Variants in GZMA observed in about 807,000 individuals in gnomAD.
GZMA encodes CTL tryptase.
In GZMA, 17 loss-of-function variants were observed where a neutral mutation model predicts 21.1. That is an observed-to-expected ratio of 0.81 (90% CI 0.55 to 1.21). The LOEUF (loss-of-function observed/expected upper bound fraction) is 1.21, where lower values mean the gene tolerates loss of function less well. GZMA is among the 50% of genes most tolerant of loss of function. GZMA has a pLI of 0.00. For synonymous variants in GZMA, 90 were observed against 107.8 expected, an observed-to-expected ratio of 0.83 and a Z score of 1.03; for missense variants, 306 against 315.9, an observed-to-expected ratio of 0.97 and a Z score of 0.24.
chr5:55,102,737 C>A lies in GZMA; in HGVS notation c.55C>A (p.Leu19Met). 1 of 1,599,990 alleles carries A rather than the reference C, an allele frequency of 6.3e-7. No homozygotes were observed. Among genetic ancestry groups the A allele is most frequent in the Non-Finnish European group, 8.6e-7 (1 of 1,167,194 alleles). The change falls in exon 1 of 5, where the codon CTG becomes ATG. Residue 19 changes from leucine to methionine, a missense_variant. Coordinates refer to ENST00000274306, the MANE Select transcript of GZMA (RefSeq NM_006144.4). ...CTCTCTCTCAGTTGTCGTTTCTCTC[C>A]TGCTAATTCCTGAAGGTAAGACTGA... is the stretch of plus-strand genomic sequence containing the variant. ...ASSLSVVVSLLLIPEDVCEKI... is the reference protein window; with the variant it reads ...ASSLSVVVSLMLIPEDVCEKI...
In GZMA at chr5:55,108,161, A is replaced by G; in HGVS notation, c.394A>G (p.Ile132Val). ...AGCAAAAATTAACAAATATGTGACT[A>G]TCCTTCATCTACCTAAAAAGGGGGA... ...EKAKINKYVT[I>V]LHLPKKGDDV... The change falls in exon 4 of 5, where the codon ATC (isoleucine) becomes GTC (valine). Residue 132 changes from isoleucine (I) to valine (V), a missense_variant. Coordinates refer to ENST00000274306, the MANE Select transcript of GZMA (RefSeq NM_006144.4). 1 of 1,608,788 alleles carries G rather than the reference A, an allele frequency of 6.2e-7. No homozygotes were observed. The highest frequency in any genetic ancestry group is 8.5e-7 in the Non-Finnish European group (1 of 1,175,278).
Position 55,108,384 on chromosome 5 carries a change from A to C in GZMA, c.617A>C (p.Asp206Ala). 1 of 1,610,940 alleles carries C rather than the reference A, an allele frequency of 6.2e-7. No homozygotes were observed. The highest frequency in any genetic ancestry group is 8.5e-7 in the Non-Finnish European group (1 of 1,177,586). Reference sequence around the variant, plus strand: ...GCTGGAAGCCTCCGAGGTGGAAGAGACTCGTGCAATGTAAGTAAAATAAGA... The same window carrying C: ...GCTGGAAGCCTCCGAGGTGGAAGAGCCTCGTGCAATGTAAGTAAAATAAGA... ...VCAGSLRGGRDSCNGDSGSPL... is the reference protein window; with the variant it reads ...VCAGSLRGGRASCNGDSGSPL... Residue 206 changes from aspartate (D) to alanine (A), a missense_variant, in exon 4 of 5, where the codon GAC (aspartate) becomes GCC (alanine). Physicochemically the swap from Asp to Ala is moderately radical, Grantham distance 126. Transcript: ENST00000274306.
Position 55,107,788 on chromosome 5 carries a change from T to C in GZMA, c.216-6T>C. 1 of 1,611,122 alleles carries C rather than the reference T, an allele frequency of 6.2e-7. No homozygotes were observed. Among genetic ancestry groups the C allele is most frequent in the South Asian group, 1.1e-5 (1 of 90,950 alleles). On this transcript the variant is annotated splice_region_variant and splice_polypyrimidine_tract_variant and intron_variant, in intron 2 of 4. Transcript: ENST00000274306. ...ATCCAGTAAATAATGTTGTGTCTGT[T>C]CTCAGGAACAAAAGGTCCCAGGTCA...
At chr5:55,106,948 C>T (rs1742427581) in intron 2 of GZMA, among the ~76,000 whole-genome samples, 1 of 152,170 alleles carries the variant, frequency 6.6e-6, no homozygotes, top group South Asian at 2.1e-4. Context: ...AACATTTCAT[C>T]ATAAAAATAT....
intron 1 of GZMA, 77 bp downstream of exon 1, chr5:55,102,829 T>C (rs1295199306): frequency 3.4e-6 from 3 of 883,596 alleles, no homozygotes; most frequent in Non-Finnish European, 5.8e-6. Context: ...TTTGGCAATA[T>C]TACCTTCCTA....
chr5:55,104,091 AT>A (rs1742346821), intron 1 of GZMA, among the ~76,000 whole-genome samples: 1 of 152,222 alleles, frequency 6.6e-6, no homozygotes, highest in Non-Finnish European at 1.5e-5. Flanking sequence ...TGGCTATGTT[AT>A]AAGCAGGGCA....
intron 2 of GZMA, 129 bp downstream of exon 2, chr5:55,105,747 T>A: frequency 1.4e-6 from 1 of 735,990 alleles, no homozygotes; most frequent in Non-Finnish European, 2.3e-6. Context: ...CCAAGGCAGG[T>A]GGATCACATG....
In GZMA at chr5:55,107,890, A is replaced by T. The variant is rs941959139; in HGVS notation, c.312A>T (p.Pro104=). ...IMLVKKEFPY[P]CYDPATREGD... ...TTGTTAAGAAAGAGTTTCCCTATCC[A>T]TGCTATGACCCAGCCACACGCGAAG... Residue 104 remains proline (P), a synonymous_variant, in exon 3 of 5, where the codon CCA becomes CCT. Coordinates refer to ENST00000274306, the MANE Select transcript of GZMA (RefSeq NM_006144.4). 1.1e-5 allele frequency: 17 copies of T among 1,613,128 alleles called. No individual in the cohort carries two copies. The highest frequency in any genetic ancestry group is 1.3e-5 in the African/African-American group (1 of 74,914).
chr5:55,108,138 C>T lies in GZMA; in HGVS notation c.371C>T (p.Ala124Val). The T allele has an allele frequency of 1.2e-6, 2 of 1,602,250 alleles. No individual in the cohort carries two copies. The highest frequency in any genetic ancestry group is 1.7e-6 in the Non-Finnish European group (2 of 1,169,664). The change falls in exon 4 of 5, where the codon GCA becomes GTA. Residue 124 changes from alanine (A) to valine (V), a missense_variant. By Grantham distance (64) the Ala-to-Val change is moderately conservative (BLOSUM62 0). Coordinates refer to ENST00000274306, the MANE Select transcript of GZMA (RefSeq NM_006144.4). ...TTCTTCCAACAGCTGATGGAAAAAG[C>T]AAAAATTAACAAATATGTGACTATC... ...DLKLLQLMEKAKINKYVTILH... is the reference protein window; with the variant it reads ...DLKLLQLMEKVKINKYVTILH...
rs746696550 is a variant in GZMA, at chr5:55,102,725, G to A, written c.43G>A (p.Val15Ile). Reference sequence around the variant, plus strand: ...ATTTCTGGCATCCTCTCTCTCAGTTGTCGTTTCTCTCCTGCTAATTCCTGA... The same window carrying A: ...ATTTCTGGCATCCTCTCTCTCAGTTATCGTTTCTCTCCTGCTAATTCCTGA... ...YRFLASSLSV[V>I]VSLLLIPEDV... Residue 15 changes from valine to isoleucine, a missense_variant, in exon 1 of 5, where the codon GTC (valine) becomes ATC (isoleucine). By Grantham distance (29) the Val-to-Ile change is conservative. Transcript: ENST00000274306. The A allele has an allele frequency of 3.1e-6, 5 of 1,609,390 alleles. No individual in the cohort carries two copies. Among genetic ancestry groups the A allele is most frequent in the Non-Finnish European group, 3.4e-6 (4 of 1,175,738 alleles).
At chr5:55,103,231 G>C (rs1321222017) in intron 1 of GZMA, among the ~76,000 whole-genome samples, 2 of 152,044 alleles carry the variant, frequency 1.3e-5, no homozygotes, top group Non-Finnish European at 2.9e-5. Context: ...TGGCAACTTA[G>C]TCAGCTCAGC....
At chr5:55,103,595 T>C (rs1257010917) in intron 1 of GZMA, among the ~76,000 whole-genome samples, 1 of 152,206 alleles carries the variant, frequency 6.6e-6, no homozygotes, top group African/African-American at 2.4e-5. Context: ...AAGTGAGGAC[T>C]ACTCTCAAGC....
Position 55,105,581 on chromosome 5 carries a change from G to T in GZMA, c.178G>T (p.Ala60Ser). 2.5e-6 allele frequency: 4 copies of T among 1,613,818 alleles called. No individual in the cohort carries two copies. The highest frequency in any genetic ancestry group is 1.7e-6 in the Non-Finnish European group (2 of 1,179,778). ...RKTICAGALI[A>S]KDWVLTAAHC... Reference sequence around the variant, plus strand: ...AACCATCTGTGCTGGGGCTTTGATTGCAAAAGACTGGGTGTTGACTGCAGC... The same window carrying T: ...AACCATCTGTGCTGGGGCTTTGATTTCAAAAGACTGGGTGTTGACTGCAGC... Residue 60 changes from alanine (A) to serine (S), a missense_variant, in exon 2 of 5, where the codon GCA becomes TCA. Transcript: ENST00000274306.
chr5:55,108,541 A>G (rs1561281024), intron 4 of GZMA, 147 bp downstream of exon 4: 2 of 627,926 alleles, frequency 3.2e-6, no homozygotes, highest in African/African-American at 3.7e-5. Context: ...CCCCAGTCAA[A>G]TAAATGAATG....
At chr5:55,109,116 G>A (rs1050460753) in intron 4 of GZMA, among the ~76,000 whole-genome samples, 3 of 152,200 alleles carry the variant, frequency 2.0e-5, no homozygotes, top group Non-Finnish European at 2.9e-5. Flanking sequence ...TGGTTTGGCA[G>A]TTACCAGAGA....
chr5:55,104,448 GC>G (rs560889194), intron 1 of GZMA, among the ~76,000 whole-genome samples: 158 of 152,200 alleles, frequency 1.0e-3, no homozygotes, highest in African/African-American at 3.5e-3. Context: ...AATCACACTA[GC>G]CACATTTCAT....
At position 55,110,066 on chromosome 5, in the gene GZMA, G is replaced by C. The variant is rs1312693127; in HGVS notation, c.673G>C (p.Val225Leu). ...GTTGTGCGAGGGTGTTTTCCGAGGG[G>C]TCACTTCCTTTGGCCTTGAAAATAA... ...PLLCEGVFRG[V>L]TSFGLENKCG... The change falls in exon 5 of 5, where the codon GTC becomes CTC. Residue 225 changes from valine to leucine, a missense_variant. Val to Leu is a conservative substitution (Grantham distance 32). Transcript: ENST00000274306. 2 of 1,612,506 alleles carry C rather than the reference G, an allele frequency of 1.2e-6. No homozygotes were observed. Among genetic ancestry groups the C allele is most frequent in the Non-Finnish European group, 1.7e-6 (2 of 1,179,344 alleles).
rs1742439399 is a variant in GZMA, at chr5:55,107,844, A to G, written c.266A>G (p.Glu89Gly). ...GGGGCTCACTCAATAACCAGGGAAG[A>G]GCCAACAAAACAGATAATGCTTGTT... ...ILGAHSITRE[E>G]PTKQIMLVKK... Residue 89 changes from glutamate (E) to glycine (G), a missense_variant, in exon 3 of 5, where the codon GAG (glutamate) becomes GGG (glycine). Physicochemically the swap from Glu to Gly is moderately conservative, Grantham distance 98 (BLOSUM62 -2). Transcript: ENST00000274306. 2 of 1,612,776 alleles carry G rather than the reference A, an allele frequency of 1.2e-6. No homozygotes were observed. Among genetic ancestry groups the G allele is most frequent in the Non-Finnish European group, 1.7e-6 (2 of 1,178,786 alleles).
intron 1 of GZMA, among the ~76,000 whole-genome samples, chr5:55,103,278 T>C (rs1742334347): frequency 6.6e-6 from 1 of 152,134 alleles, no homozygotes; most frequent in African/African-American, 2.4e-5. Flanking sequence ...TAAAGACAAT[T>C]AAGACAAATC....
Sources: allele counts gnomAD v4.1 joint callset (sites outside exome capture counted in the v4.1 genomes callset), GRCh38; gene constraint gnomAD v4.1.1; transcripts MANE v1.5; gene names NCBI Gene and HGNC (gene_info 2026-07-23, HGNC 2026-07-21).